The following PRORP variants were observed in gnomAD, a reference collection of about 807,000 sequenced individuals.
The protein encoded by PRORP is protein only RNase P catalytic subunit, also known as mitochondrial ribonuclease P catalytic subunit.
PRORP carries 51 observed loss-of-function variants against 59.4 expected under a neutral mutation model. The observed-to-expected ratio is 0.86, with a 90% confidence interval of 0.69 to 1.08. The LOEUF (loss-of-function observed/expected upper bound fraction) is 1.08. Ranked by LOEUF, PRORP falls within the 50% of genes least tolerant of loss-of-function variation. PRORP has a pLI of 0.00. For synonymous variants in PRORP, 231 were observed against 245.6 expected (o/e 0.94, Z 0.55); for missense variants, 646 against 690.3 (o/e 0.94, Z 0.72).
Position 35,218,459 on chromosome 14 carries a change from T to TAAAAAAAAAAAA in PRORP, c.1275+37689_1275+37690insAAAAAAAAAAAA, listed in dbSNP as rs748403834. On this transcript the variant is annotated intron_variant, in intron 5 of 7. Coordinates refer to ENST00000534898, the MANE Select transcript of PRORP (RefSeq NM_014672.4). The stretch of plus-strand genomic sequence containing the variant: ...CTGGGCAACAGAGCAAGATCCTGTC[T>TAAAAAAAAAAAA]AAAAAAAGAAAAAAAAAAAAAAAAA... Among the ~76,000 whole-genome samples the TAAAAAAAAAAAA allele has an allele frequency of 1.1e-4, 5 of 44,776 alleles. No homozygotes were observed. The East Asian group carries it at 3.6e-3, about 32-fold the overall frequency. The allele number at this position is 44,776 out of a possible 152,430, so 29.4% of individuals were successfully genotyped here. A position where few individuals can be genotyped will look rare whatever the true frequency, so the allele number is the denominator to read the frequency against.
rs575977366 is a variant in PRORP, at chr14:35,162,349, C to T, written c.1168-18321C>T. Among the ~76,000 whole-genome samples, 4 of 152,192 alleles carry T rather than the reference C, an allele frequency of 2.6e-5. No individual in the cohort carries two copies. The East Asian group carries it at 7.7e-4, about 29-fold the overall frequency. ...GCAAAATATGAGAATTCTTTCTCCG[C>T]ACCTTGAAGATTCAGTGTGTTATCA... On this transcript the variant is annotated intron_variant, in intron 4 of 7. Transcript: ENST00000534898.
At chr14:35,150,217 C>T (rs908004045) in intron 4 of PRORP, among the ~76,000 whole-genome samples, 3 of 152,106 alleles carry the variant, frequency 2.0e-5, no homozygotes, top group Non-Finnish European at 4.4e-5. Context: ...AGTGTAAGAC[C>T]GGAGACTCTT....
intron 5 of PRORP, among the ~76,000 whole-genome samples, chr14:35,210,319 C>G (rs2049405884): frequency 6.6e-6 from 1 of 152,182 alleles, no homozygotes; most frequent in Non-Finnish European, 1.5e-5. Context: ...TCTCCACTAA[C>G]AAAATGGTTA....
intron 5 of PRORP, among the ~76,000 whole-genome samples, chr14:35,228,050 G>A (rs1437339842): frequency 1.3e-5 from 2 of 152,172 alleles, no homozygotes; most frequent in Non-Finnish European, 2.9e-5. Flanking sequence ...GGCTGAGGCA[G>A]AAGAATCGCT....
At chr14:35,194,176 T>C (rs2048953765) in intron 5 of PRORP, among the ~76,000 whole-genome samples, 1 of 152,182 alleles carries the variant, frequency 6.6e-6, no homozygotes, top group Non-Finnish European at 1.5e-5. Context: ...ACTTCCCTTG[T>C]AAGTTGTATT....
At chr14:35,136,997 G>C (rs950026870) in intron 4 of PRORP, among the ~76,000 whole-genome samples, 1 of 145,882 alleles carries the variant, frequency 6.9e-6, no homozygotes, top group African/African-American at 2.4e-5. Context: ...CTAGAGATTT[G>C]TTAAGGTGTG....
At chr14:35,128,403 T>G (rs1194127858) in intron 4 of PRORP, among the ~76,000 whole-genome samples, 3 of 152,134 alleles carry the variant, frequency 2.0e-5, no homozygotes, top group African/African-American at 7.2e-5. Flanking sequence ...TGGAATAGTT[T>G]GAATAGGATT....
intron 5 of PRORP, among the ~76,000 whole-genome samples, chr14:35,255,474 T>TA (rs1474995588): frequency 6.6e-6 from 1 of 151,890 alleles, no homozygotes; most frequent in East Asian, 1.9e-4. Flanking sequence ...ACCACATGCC[T>TA]AGTGACTTAC....
intron 4 of PRORP, among the ~76,000 whole-genome samples, chr14:35,154,902 C>CT (rs146425703): frequency 0.12 from 17,407 of 149,016 alleles, 1,101 homozygotes; most frequent in African/African-American, 0.17. Flanking sequence ...AGTTAAAACT[C>CT]TTTTTTTTTT....
intron 5 of PRORP, among the ~76,000 whole-genome samples, chr14:35,212,005 A>T (rs570613463): frequency 6.6e-6 from 1 of 152,324 alleles, no homozygotes; most frequent in African/African-American, 2.4e-5. Flanking sequence ...ATCCTTTGTT[A>T]TCATTTCAAC....
chr14:35,200,933 A>C (rs1194666662), intron 5 of PRORP, among the ~76,000 whole-genome samples: 1 of 152,158 alleles, frequency 6.6e-6, no homozygotes, highest in Non-Finnish European at 1.5e-5. Flanking sequence ...ATACCATATT[A>C]CATTTAATCA....
At chr14:35,241,976 A>G (rs1451413662) in intron 5 of PRORP, among the ~76,000 whole-genome samples, 1 of 151,844 alleles carries the variant, frequency 6.6e-6, no homozygotes, top group Non-Finnish European at 1.5e-5. Flanking sequence ...TGGGCTCTAA[A>G]CTCACTGAGG....
intron 5 of PRORP, among the ~76,000 whole-genome samples, chr14:35,230,009 C>G (rs976417695): frequency 1.3e-5 from 2 of 150,222 alleles, no homozygotes; most frequent in African/African-American, 2.5e-5. Context: ...TTTTTTTTCT[C>G]AAGAAGCTCG....
intron 4 of PRORP, among the ~76,000 whole-genome samples, chr14:35,170,659 C>T (rs1240551690): frequency 6.6e-6 from 1 of 151,900 alleles, no homozygotes; most frequent in African/African-American, 2.4e-5. Context: ...ATAATTTTTG[C>T]TTTAAGTAGT....
intron 5 of PRORP, among the ~76,000 whole-genome samples, chr14:35,266,503 C>A (rs1243474756): frequency 6.6e-6 from 1 of 151,998 alleles, no homozygotes; most frequent in Admixed American, 6.6e-5. Context: ...TAAAGAAACC[C>A]CCCCCTGCAA....
At chr14:35,165,854 A>G (rs1237526259) in intron 4 of PRORP, among the ~76,000 whole-genome samples, 1 of 151,808 alleles carries the variant, frequency 6.6e-6, no homozygotes, top group African/African-American at 2.4e-5. Context: ...TAATTTTTGT[A>G]TTTTTTGTAG....
chr14:35,134,958 A>G (rs1056712280), intron 4 of PRORP, among the ~76,000 whole-genome samples: 1 of 152,126 alleles, frequency 6.6e-6, no homozygotes, highest in East Asian at 1.9e-4. Flanking sequence ...TCCAGTTTCA[A>G]CCACTGGGAT....
chr14:35,155,168 C>T (rs1054687795), intron 4 of PRORP, among the ~76,000 whole-genome samples: 2 of 152,136 alleles, frequency 1.3e-5, no homozygotes, highest in African/African-American at 4.8e-5. Flanking sequence ...GCTGGGATTA[C>T]AGGCGTGAGC....
intron 5 of PRORP, chr14:35,262,698 A>T (rs1365176483): frequency 2.5e-6 from 2 of 813,454 alleles, no homozygotes; most frequent in Non-Finnish European, 4.4e-6. Context: ...ACAGAACATG[A>T]TCAAGGGTGT....
Sources: allele counts gnomAD v4.1 joint callset (sites outside exome capture counted in the v4.1 genomes callset), GRCh38; gene constraint gnomAD v4.1.1; transcripts MANE v1.5; gene names NCBI Gene and HGNC (gene_info 2026-07-23, HGNC 2026-07-21).